The following FNDC3A variants were observed in gnomAD, a reference collection of about 807,000 sequenced individuals.
FNDC3A encodes fibronectin type-III domain-containing protein 3A.
FNDC3A carries 32 observed loss-of-function variants against 148.9 expected under a neutral mutation model. The observed-to-expected ratio is 0.21, with a 90% confidence interval of 0.16 to 0.29. FNDC3A has a LOEUF of 0.29. FNDC3A is among the 10% of genes least tolerant of loss of function. The pLI, the probability that FNDC3A is intolerant of heterozygous loss-of-function variation, is 1.00. For missense variants in FNDC3A, 1,191 were observed against 1,452.8 expected (o/e 0.82, Z 2.93); for synonymous variants, 472 against 473.6 (o/e 1.00, Z 0.04).
chr13:49,039,340 A>G (rs1874744336), intron 2 of FNDC3A, among the ~76,000 whole-genome samples: 1 of 152,172 alleles, frequency 6.6e-6, no homozygotes, highest in African/African-American at 2.4e-5. Flanking sequence ...GACATCACTT[A>G]GCTCTAACTT....
At chr13:48,992,286 CA>C (rs1951936790) in intron 1 of FNDC3A, among the ~76,000 whole-genome samples, 1 of 152,090 alleles carries the variant, frequency 6.6e-6, no homozygotes, top group African/African-American at 2.4e-5. Flanking sequence ...CATAAAATGA[CA>C]AATCGATAAA....
At chr13:49,082,123 G>A (rs1056790243) in intron 3 of FNDC3A, among the ~76,000 whole-genome samples, 1 of 152,116 alleles carries the variant, frequency 6.6e-6, no homozygotes, top group Non-Finnish European at 1.5e-5. Flanking sequence ...GGTGGCTCAC[G>A]CCTGTAATCC....
At chr13:48,999,503 C>T (rs939542040) in intron 1 of FNDC3A, among the ~76,000 whole-genome samples, 2 of 152,076 alleles carry the variant, frequency 1.3e-5, no homozygotes, top group Non-Finnish European at 2.9e-5. Context: ...TTAGATGATA[C>T]TTAGATGAGA....
chr13:49,140,223 A>G (rs766186877), intron 7 of FNDC3A, among the ~76,000 whole-genome samples: 4 of 152,132 alleles, frequency 2.6e-5, no homozygotes, highest in Non-Finnish European at 4.4e-5. Flanking sequence ...GTAGTCCCAG[A>G]TACTTGGGAT....
At chr13:48,984,568 C>G (rs549227797) in intron 1 of FNDC3A, among the ~76,000 whole-genome samples, 1 of 152,128 alleles carries the variant, frequency 6.6e-6, no homozygotes, top group Non-Finnish European at 1.5e-5. Flanking sequence ...AATGGAAGAA[C>G]TGGTCTATAA....
intron 2 of FNDC3A, among the ~76,000 whole-genome samples, chr13:49,033,249 A>G (rs1874257082): frequency 6.6e-6 from 1 of 152,212 alleles, no homozygotes; most frequent in South Asian, 2.1e-4. Flanking sequence ...ATACTGGATT[A>G]TCTAGAAGCA....
chr13:49,153,180 G>A (rs1566287730), intron 8 of FNDC3A, among the ~76,000 whole-genome samples: 1 of 151,500 alleles, frequency 6.6e-6, no homozygotes, highest in Non-Finnish European at 1.5e-5. Flanking sequence ...TCCAGCACCT[G>A]TTGTTTCCTG....
intron 2 of FNDC3A, among the ~76,000 whole-genome samples, chr13:49,068,777 A>G (rs1476296603): frequency 2.0e-5 from 3 of 152,230 alleles, no homozygotes; most frequent in African/African-American, 4.8e-5. Context: ...GCTGGAGGCC[A>G]TTATCCTTAG....
intron 2 of FNDC3A, among the ~76,000 whole-genome samples, chr13:49,040,815 TCC>T (rs1283616399): frequency 2.6e-5 from 4 of 152,220 alleles, no homozygotes; most frequent in African/African-American, 9.7e-5. Context: ...TTACCAGGGT[TCC>T]TCACCTGTCA....
intron 2 of FNDC3A, among the ~76,000 whole-genome samples, chr13:49,015,643 A>G (rs1161830039): frequency 6.6e-6 from 1 of 152,182 alleles, no homozygotes; most frequent in African/African-American, 2.4e-5. Context: ...TATGTTGAAT[A>G]GGAGTGGTGA....
chr13:49,111,581 C>G (rs1880576009), intron 3 of FNDC3A, among the ~76,000 whole-genome samples: 1 of 151,940 alleles, frequency 6.6e-6, no homozygotes, highest in African/African-American at 2.4e-5. Flanking sequence ...CAAAAATTAG[C>G]CGGGCGTGGT....
chr13:49,057,623 G>A (rs1593527692), intron 2 of FNDC3A, among the ~76,000 whole-genome samples: 1 of 152,184 alleles, frequency 6.6e-6, no homozygotes, highest in African/African-American at 2.4e-5. Flanking sequence ...TTTCCAAAAA[G>A]CACACTAACA....
chr13:49,114,410 T>TCCCCCCCCCCCCCACCC (rs71188346), intron 3 of FNDC3A, among the ~76,000 whole-genome samples: 1 of 81,708 alleles, frequency 1.2e-5, no homozygotes, highest in Non-Finnish European at 2.7e-5. Flanking sequence ...CCCTCCAACC[T>TCCCCCCCCCCCCCACCC]CCCCGCCCCC....
chr13:48,985,624 AATAC>A (rs1047002567), intron 1 of FNDC3A, among the ~76,000 whole-genome samples: 1 of 152,248 alleles, frequency 6.6e-6, no homozygotes, highest in African/African-American at 2.4e-5. Context: ...GATACAATAT[AATAC>A]ATACACAAAG....
intron 3 of FNDC3A, among the ~76,000 whole-genome samples, chr13:49,114,027 A>C (rs1880756315): frequency 6.6e-6 from 1 of 152,090 alleles, no homozygotes; most frequent in South Asian, 2.1e-4. Flanking sequence ...GAGAAACAAA[A>C]AAAAATTTTT....
intron 2 of FNDC3A, among the ~76,000 whole-genome samples, chr13:49,023,526 A>G (rs970750921): frequency 6.6e-6 from 1 of 151,754 alleles, no homozygotes; most frequent in African/African-American, 2.4e-5. Context: ...ACAGAAATGA[A>G]ACATAATGGT....
rs1015931955 is a variant in FNDC3A at position 49,189,599 on chromosome 13, T to G, written c.1944+966T>G. ...CAATGAAAGTATTCTTTTTTAAAAA[T>G]GAAATATAGGCATTTTGTTGAAAAT... On this transcript the variant is annotated intron_variant, in intron 17 of 25. Transcript: ENST00000492622. Among the ~76,000 whole-genome samples the G allele has an allele frequency of 2.0e-5, 3 of 152,140 alleles. No homozygotes were observed. The East Asian group carries it at 5.8e-4, about 29-fold the overall frequency.
intron 6 of FNDC3A, among the ~76,000 whole-genome samples, chr13:49,137,409 A>G (rs1216327317): frequency 6.6e-6 from 1 of 152,152 alleles, no homozygotes; most frequent in African/African-American, 2.4e-5. Flanking sequence ...CAGTGGCGCA[A>G]TGTCAGCTCA....
At chr13:49,137,603 C>T (rs916363860) in intron 6 of FNDC3A, among the ~76,000 whole-genome samples, 3 of 152,220 alleles carry the variant, frequency 2.0e-5, no homozygotes, top group Admixed American at 6.5e-5. Context: ...CCTTGACCTT[C>T]CAGTGTGCTA....
Sources: gnomAD v4.1 joint callset for allele counts (sites outside exome capture counted in the v4.1 genomes callset) on GRCh38, gnomAD v4.1.1 for gene constraint, MANE v1.5 for transcripts, NCBI Gene and HGNC (gene_info 2026-07-23, HGNC 2026-07-21) for gene names.